GRID2: variants seen among roughly 807,000 people sequenced by gnomAD.
The protein encoded by GRID2 is glutamate ionotropic receptor delta type subunit 2.
GRID2 carries 33 observed loss-of-function variants against 114.8 expected under a neutral mutation model. The ratio of observed to expected loss-of-function variants is 0.29; its 90% CI spans 0.22 to 0.38. The LOEUF is 0.38. GRID2 is among the 10% of genes least tolerant of loss of function. The pLI is 1.00. For synonymous variants in GRID2, 505 were observed against 449.9 expected (o/e 1.12, Z -1.55); for missense variants, 1,184 against 1,257.7 (o/e 0.94, Z 0.89).
At chr4:93,382,424 C>CT (rs1160418284) in intron 8 of GRID2, among the ~76,000 whole-genome samples, 1 of 151,876 alleles carries the variant, frequency 6.6e-6, no homozygotes, top group Non-Finnish European at 1.5e-5. Flanking sequence ...TTTCTTTAAT[C>CT]TTTTTTCTTT....
chr4:92,534,944 A>G (rs1016691418), intron 1 of GRID2, among the ~76,000 whole-genome samples: 8 of 152,324 alleles, frequency 5.3e-5, no homozygotes, highest in Middle Eastern at 3.4e-3. Context: ...GAAAACCTTT[A>G]GCAAAATACA....
intron 2 of GRID2, among the ~76,000 whole-genome samples, chr4:92,990,249 T>TGA (rs1754789419): frequency 3.5e-5 from 4 of 114,722 alleles, no homozygotes; most frequent in African/African-American, 1.3e-4. Flanking sequence ...TGTGTGTGTG[T>TGA]GATATATGTA....
chr4:92,311,404 A>G (rs1254473491), intron 1 of GRID2, among the ~76,000 whole-genome samples: 2 of 152,106 alleles, frequency 1.3e-5, no homozygotes, highest in African/African-American at 4.8e-5. Flanking sequence ...AAGCTTCTTG[A>G]GTAGATACAG....
At chr4:92,677,311 A>G (rs1733422432) in intron 2 of GRID2, among the ~76,000 whole-genome samples, 1 of 152,204 alleles carries the variant, frequency 6.6e-6, no homozygotes, top group Admixed American at 6.5e-5. Flanking sequence ...GAGATTAAAA[A>G]ATAATATAGT....
At chr4:93,474,466 G>A (rs1725132810) in intron 11 of GRID2, among the ~76,000 whole-genome samples, 1 of 152,064 alleles carries the variant, frequency 6.6e-6, no homozygotes, top group Admixed American at 6.6e-5. Context: ...AAATAATGGG[G>A]AGTTTTTCTG....
intron 1 of GRID2, among the ~76,000 whole-genome samples, chr4:92,492,161 C>CAG (rs530960315): frequency 1.3e-5 from 2 of 152,148 alleles, no homozygotes; most frequent in South Asian, 4.1e-4. Context: ...AAAAAGTAAA[C>CAG]AGAGTCTTTG....
At chr4:92,932,300 TATC>T (rs1174588556) in intron 2 of GRID2, among the ~76,000 whole-genome samples, 4 of 151,322 alleles carry the variant, frequency 2.6e-5, no homozygotes, top group African/African-American at 9.7e-5. Context: ...TCAATGCTAA[TATC>T]ATTAGACAAA....
chr4:93,125,902 C>T (rs777477707), intron 4 of GRID2, among the ~76,000 whole-genome samples: 1 of 152,182 alleles, frequency 6.6e-6, no homozygotes, highest in African/African-American at 2.4e-5. Context: ...TTATGACAGG[C>T]ATCCTTTCTC....
intron 1 of GRID2, among the ~76,000 whole-genome samples, chr4:92,570,635 A>G (rs1727563102): frequency 6.6e-6 from 1 of 151,934 alleles, no homozygotes; most frequent in African/African-American, 2.4e-5. Context: ...TTTATTTGAC[A>G]GTGGTTTATA....
At chr4:93,608,058 A>T (rs991566825) in intron 13 of GRID2, among the ~76,000 whole-genome samples, 1 of 143,398 alleles carries the variant, frequency 7.0e-6, no homozygotes, top group South Asian at 2.2e-4. Context: ...ATATATATAT[A>T]CGTATATAAG....
chr4:92,729,961 T>G (rs2149323496), intron 2 of GRID2, among the ~76,000 whole-genome samples: 1 of 152,040 alleles, frequency 6.6e-6, no homozygotes. Context: ...AGAGCTTATA[T>G]TGCTGAAATG....
chr4:93,109,936 T>A (rs1325735556), intron 3 of GRID2, among the ~76,000 whole-genome samples: 1 of 152,138 alleles, frequency 6.6e-6, no homozygotes. Flanking sequence ...TTACTTTTCT[T>A]ATTTAAGTGT....
chr4:92,545,522 G>T (rs1726202403), intron 1 of GRID2, among the ~76,000 whole-genome samples: 1 of 152,126 alleles, frequency 6.6e-6, no homozygotes, highest in Non-Finnish European at 1.5e-5. Context: ...ATTTTAGCTT[G>T]TGCAATGAGA....
At chr4:92,684,133 A>G (rs190580555) in intron 2 of GRID2, among the ~76,000 whole-genome samples, 2 of 152,070 alleles carry the variant, frequency 1.3e-5, no homozygotes, top group East Asian at 3.9e-4. Context: ...GTAAATTTTA[A>G]AAATATGAAA....
At chr4:93,591,055 C>G (rs1360113949) in intron 13 of GRID2, among the ~76,000 whole-genome samples, 1 of 149,624 alleles carries the variant, frequency 6.7e-6, no homozygotes, top group Non-Finnish European at 1.5e-5. Context: ...ATTTCCTTCT[C>G]CTGCCTAATT....
intron 14 of GRID2, among the ~76,000 whole-genome samples, chr4:93,634,685 G>A (rs969146170): frequency 1.3e-5 from 2 of 152,104 alleles, no homozygotes; most frequent in African/African-American, 4.8e-5. Context: ...AGGATTTGAG[G>A]AGTCTGAGGT....
intron 8 of GRID2, among the ~76,000 whole-genome samples, chr4:93,302,199 TAAAC>T (rs1260981777): frequency 2.6e-5 from 4 of 152,228 alleles, no homozygotes; most frequent in Admixed American, 2.0e-4. Context: ...TTCGCATTAT[TAAAC>T]ATTTTATACA....
chr4:93,125,937 T>G (rs1734225451), intron 4 of GRID2, among the ~76,000 whole-genome samples: 1 of 152,214 alleles, frequency 6.6e-6, no homozygotes. Flanking sequence ...ATTTGATTGC[T>G]GAGTGGCTGT....
At chr4:93,304,368 T>C (rs766493616) in intron 8 of GRID2, among the ~76,000 whole-genome samples, 1 of 151,214 alleles carries the variant, frequency 6.6e-6, no homozygotes, top group Non-Finnish European at 1.5e-5. Context: ...GAGAGAGAGT[T>C]AAAACACTAG....
Sources: gnomAD v4.1 joint callset for allele counts (sites outside exome capture counted in the v4.1 genomes callset) on GRCh38, gnomAD v4.1.1 for gene constraint, MANE v1.5 for transcripts, NCBI Gene and HGNC (gene_info 2026-07-23, HGNC 2026-07-21) for gene names.